Variants in PLXDC2 observed in about 807,000 individuals in gnomAD.
PLXDC2 encodes the protein plexin domain-containing protein 2.
Under a neutral mutation model 68.9 loss-of-function variants are expected in PLXDC2, and 40 were observed. The ratio of observed to expected loss-of-function variants is 0.58; its 90% confidence interval spans 0.45 to 0.76. The LOEUF (loss-of-function observed/expected upper bound fraction) is 0.76, where lower values mean the gene tolerates loss of function less well. Ranked by LOEUF, PLXDC2 falls within the 30% of genes least tolerant of loss-of-function variation. The probability of loss-of-function intolerance (pLI) is 0.00; values close to 1 mark genes in which losing one functional copy is unlikely to be tolerated. For synonymous variants in PLXDC2, 243 were observed against 234.2 expected, an observed-to-expected ratio of 1.04 and a Z score of -0.34; for missense variants, 644 against 661.9, an observed-to-expected ratio of 0.97 and a Z score of 0.30.
chr10:20,025,377 C>T (rs1240243363), intron 2 of PLXDC2, among the ~76,000 whole-genome samples: 4 of 151,988 alleles, frequency 2.6e-5, no homozygotes, highest in African/African-American at 9.7e-5. Context: ...ATTCTCCTGC[C>T]TCAACCTCCC....
At chr10:19,931,360 C>G (rs1833630143) in intron 1 of PLXDC2, among the ~76,000 whole-genome samples, 1 of 152,210 alleles carries the variant, frequency 6.6e-6, no homozygotes, top group Admixed American at 6.5e-5. Flanking sequence ...GTGAGCCAAG[C>G]TGTTTTTAAT....
chr10:20,189,061 G>A (rs1409126972), intron 9 of PLXDC2, among the ~76,000 whole-genome samples: 1 of 74,992 alleles, frequency 1.3e-5, no homozygotes, highest in Non-Finnish European at 4.8e-5. Context: ...TAAGCTGCTT[G>A]TCCTGAAATA....
intron 1 of PLXDC2, among the ~76,000 whole-genome samples, chr10:19,904,957 C>T (rs1305859256): frequency 6.6e-6 from 1 of 152,122 alleles, no homozygotes; most frequent in Non-Finnish European, 1.5e-5. Context: ...AATAGGAACA[C>T]CCTCCCTCCA....
intron 1 of PLXDC2, among the ~76,000 whole-genome samples, chr10:19,877,672 C>T (rs1024481814): frequency 6.6e-6 from 1 of 152,226 alleles, no homozygotes; most frequent in African/African-American, 2.4e-5. Context: ...CCGGCGTTCC[C>T]GAATGACCTA....
intron 12 of PLXDC2, among the ~76,000 whole-genome samples, chr10:20,230,714 A>AAAAC (rs35828987): frequency 6.8e-6 from 1 of 146,494 alleles, no homozygotes; most frequent in African/African-American, 2.5e-5. Context: ...AAAAAAAAAA[A>AAAAC]CAGGAAAACA....
At chr10:19,825,192 G>A (rs539337389) in intron 1 of PLXDC2, among the ~76,000 whole-genome samples, 18 of 152,130 alleles carry the variant, frequency 1.2e-4, no homozygotes, top group Non-Finnish European at 2.2e-4. Context: ...TTATTACTCA[G>A]TTCCTCAATT....
chr10:19,920,569 G>A (rs972254591), intron 1 of PLXDC2, among the ~76,000 whole-genome samples: 2 of 152,188 alleles, frequency 1.3e-5, no homozygotes, highest in African/African-American at 4.8e-5. Flanking sequence ...GAGAGGCCAG[G>A]CCACTGAGTG....
At chr10:20,070,604 G>A (rs1305714659) in intron 4 of PLXDC2, among the ~76,000 whole-genome samples, 1 of 152,062 alleles carries the variant, frequency 6.6e-6, no homozygotes, top group Non-Finnish European at 1.5e-5. Context: ...TTGAAAGGTG[G>A]CCCCAATAAG....
At chr10:19,946,845 C>T (rs553422109) in intron 1 of PLXDC2, among the ~76,000 whole-genome samples, 10 of 152,096 alleles carry the variant, frequency 6.6e-5, no homozygotes, top group African/African-American at 1.9e-4. Context: ...CAAGTGCCAT[C>T]GCTGATCCGA....
chr10:20,192,960 C>G (rs1834787046), intron 9 of PLXDC2, among the ~76,000 whole-genome samples: 1 of 152,034 alleles, frequency 6.6e-6, no homozygotes, highest in African/African-American at 2.4e-5. Flanking sequence ...CACCACATGT[C>G]TTAGGTTTGT....
intron 12 of PLXDC2, among the ~76,000 whole-genome samples, chr10:20,242,860 C>T (rs1835535361): frequency 2.0e-5 from 3 of 152,136 alleles, no homozygotes; most frequent in Admixed American, 2.0e-4. Context: ...TAGGCGCCCG[C>T]CACCAAGCCT....
chr10:20,132,100 A>G (rs1423984930), intron 4 of PLXDC2, among the ~76,000 whole-genome samples: 3 of 151,960 alleles, frequency 2.0e-5, no homozygotes, highest in Non-Finnish European at 4.4e-5. Flanking sequence ...TTCTTCTTTG[A>G]CTCATTGGTT....
Position 19,816,899 on chromosome 10 carries a change from C to T in PLXDC2, c.-181C>T. Reference sequence around the variant, plus strand: ...AGGTCCGAAGAGCGCTGCGCTCCTACTCGCGTTCGCTTCTTCCTCTTCTCG... The same window carrying T: ...AGGTCCGAAGAGCGCTGCGCTCCTATTCGCGTTCGCTTCTTCCTCTTCTCG... On this transcript the variant is annotated 5_prime_UTR_variant, in exon 1 of 14. Coordinates refer to ENST00000377252, the MANE Select transcript of PLXDC2 (RefSeq NM_032812.9). 1 of 600,932 alleles carries T rather than the reference C, an allele frequency of 1.7e-6. No homozygotes were observed. Among genetic ancestry groups the T allele is most frequent in the Non-Finnish European group, 3.0e-6 (1 of 338,438 alleles). The allele number at this position is 600,932 out of a possible 1,614,324, so 37.2% of individuals were successfully genotyped here.
chr10:19,854,145 G>A (rs982367521), intron 1 of PLXDC2, among the ~76,000 whole-genome samples: 1 of 152,182 alleles, frequency 6.6e-6, no homozygotes, highest in Non-Finnish European at 1.5e-5. Context: ...CAGACTGGCT[G>A]GAATTTCTGG....
intron 1 of PLXDC2, among the ~76,000 whole-genome samples, chr10:19,878,205 AT>A (rs372112018): frequency 0.039 from 5,825 of 147,576 alleles, 185 homozygotes; most frequent in East Asian, 0.15. Context: ...CAGACTCTTG[AT>A]TTTTTTTTTT....
chr10:19,999,683 C>T (rs1226294096), intron 1 of PLXDC2, among the ~76,000 whole-genome samples: 1 of 152,040 alleles, frequency 6.6e-6, no homozygotes, highest in Admixed American at 6.6e-5. Flanking sequence ...TGACATTGAC[C>T]TAAGTGTTGT....
intron 13 of PLXDC2, among the ~76,000 whole-genome samples, chr10:20,271,810 G>T (rs1835944510): frequency 1.3e-5 from 2 of 152,184 alleles, no homozygotes; most frequent in African/African-American, 4.8e-5. Context: ...AGGCTCTGGA[G>T]GTAGCAGCTT....
At chr10:20,032,531 C>A (rs952586158) in intron 2 of PLXDC2, among the ~76,000 whole-genome samples, 2 of 152,028 alleles carry the variant, frequency 1.3e-5, no homozygotes, top group African/African-American at 2.4e-5. Flanking sequence ...ATACGAGAAA[C>A]GGGGAGACCA....
At chr10:20,161,221 C>G (rs895424352) in intron 6 of PLXDC2, among the ~76,000 whole-genome samples, 1 of 152,066 alleles carries the variant, frequency 6.6e-6, no homozygotes, top group African/African-American at 2.4e-5. Flanking sequence ...CTGATATGGG[C>G]TGGACCCTGC....
Sources: allele counts gnomAD v4.1 joint callset (sites outside exome capture counted in the v4.1 genomes callset), GRCh38; gene constraint gnomAD v4.1.1; transcripts MANE v1.5; gene names NCBI Gene and HGNC (gene_info 2026-07-23, HGNC 2026-07-21).